The following DPP6 variants were observed in gnomAD, a reference collection of about 807,000 sequenced individuals.
DPP6 encodes the protein A-type potassium channel modulatory protein DPP6.
A neutral mutation model predicts 122.6 loss-of-function variants in DPP6; 69 were observed. That is an observed-to-expected ratio of 0.56 (90% confidence interval 0.46 to 0.69). DPP6 has a LOEUF of 0.69. Among genes scored for constraint, DPP6 ranks in the 30% least tolerant of loss-of-function variants. The probability of loss-of-function intolerance (pLI) is 0.00; values close to 1 mark genes in which losing one functional copy is unlikely to be tolerated. For synonymous variants in DPP6, 418 were observed against 433.1 expected, an observed-to-expected ratio of 0.97 and a Z score of 0.43; for missense variants, 928 against 1,116.9, an observed-to-expected ratio of 0.83 and a Z score of 2.41.
intron 1 of DPP6, among the ~76,000 whole-genome samples, chr7:154,313,710 T>TAC (rs1554515575): frequency 8.6e-4 from 14 of 16,200 alleles, no homozygotes; most frequent in African/African-American, 3.2e-3. Context: ...TATATATATA[T>TAC]ATATACACAC....
chr7:153,825,566 C>G, the DPP6 span, among the ~76,000 whole-genome samples: 10,059 of 59,222 alleles, frequency 0.17, 358 homozygotes, highest in Non-Finnish European at 0.2. Context: ...GTTTTGTTTT[C>G]TTTTCTTTAT....
At chr7:154,450,894 A>G (rs940033187) in intron 2 of DPP6, among the ~76,000 whole-genome samples, 3 of 152,182 alleles carry the variant, frequency 2.0e-5, no homozygotes, top group African/African-American at 7.2e-5. Context: ...TTCTTTGAGC[A>G]GAATTGTGCT....
intron 1 of DPP6, among the ~76,000 whole-genome samples, chr7:153,895,795 G>A (rs1799390625): frequency 6.6e-6 from 1 of 151,762 alleles, no homozygotes; most frequent in African/African-American, 2.4e-5. Flanking sequence ...TAAAATACTG[G>A]CACCATTGTC....
chr7:154,831,572 G>T (rs1032136417), intron 16 of DPP6, among the ~76,000 whole-genome samples: 2 of 152,204 alleles, frequency 1.3e-5, no homozygotes, highest in East Asian at 3.9e-4. Flanking sequence ...TTCAGGTGAC[G>T]TGACAGTTTA....
intron 8 of DPP6, among the ~76,000 whole-genome samples, chr7:154,728,650 C>T (rs1252658461): frequency 6.6e-6 from 1 of 152,158 alleles, no homozygotes; most frequent in African/African-American, 2.4e-5. Flanking sequence ...AACAAGATTC[C>T]ACAGACTAGG....
chr7:153,984,100 A>G (rs1270424057), intron 1 of DPP6, among the ~76,000 whole-genome samples: 2 of 143,384 alleles, frequency 1.4e-5, no homozygotes, highest in Non-Finnish European at 3.0e-5. Flanking sequence ...ACACACACAC[A>G]CACGTGTCAC....
At chr7:154,447,695 A>C (rs1475307313) in intron 2 of DPP6, among the ~76,000 whole-genome samples, 2 of 152,224 alleles carry the variant, frequency 1.3e-5, no homozygotes, top group Admixed American at 1.3e-4. Flanking sequence ...AGCAAACTGA[A>C]TCTAACTACA....
At chr7:154,448,363 A>G (rs1329351193) in intron 2 of DPP6, among the ~76,000 whole-genome samples, 1 of 152,196 alleles carries the variant, frequency 6.6e-6, no homozygotes, top group Non-Finnish European at 1.5e-5. Flanking sequence ...TTAAGAATAA[A>G]TTTAACAAAA....
intron 16 of DPP6, among the ~76,000 whole-genome samples, chr7:154,835,685 C>G (rs141820118): frequency 6.6e-6 from 1 of 152,198 alleles, no homozygotes; most frequent in Non-Finnish European, 1.5e-5. Flanking sequence ...TCCACTTTAA[C>G]AAGCCATCCG....
chr7:154,547,272 G>C (rs1829271983), intron 4 of DPP6, among the ~76,000 whole-genome samples: 2 of 152,242 alleles, frequency 1.3e-5, no homozygotes, highest in African/African-American at 2.4e-5. Flanking sequence ...AAAACCATGA[G>C]GGGAAACAGC....
intron 10 of DPP6, among the ~76,000 whole-genome samples, chr7:154,779,964 T>C (rs371485812): frequency 1.3e-5 from 2 of 152,240 alleles, no homozygotes; most frequent in South Asian, 2.1e-4. Context: ...ACAAATGTGC[T>C]CTGTTCCCCT....
chr7:154,420,858 CA>C (rs1817413520), intron 1 of DPP6, among the ~76,000 whole-genome samples: 1 of 152,036 alleles, frequency 6.6e-6, no homozygotes, highest in Non-Finnish European at 1.5e-5. Context: ...AATCATTATG[CA>C]AAATGAGTAA....
intron 1 of DPP6, among the ~76,000 whole-genome samples, chr7:154,149,122 G>A (rs1043440863): frequency 4.6e-5 from 7 of 152,160 alleles, no homozygotes; most frequent in South Asian, 2.1e-4. Context: ...CCTGCAGTCC[G>A]TGAACCCCCA....
chr7:154,700,905 A>T (rs73495841), intron 7 of DPP6, among the ~76,000 whole-genome samples: 2,461 of 152,274 alleles, frequency 0.016, 65 homozygotes, highest in African/African-American at 0.055. Context: ...GGTAAATGAG[A>T]TGCCCAGAGA....
At chr7:154,316,454 A>G (rs1002124846) in intron 1 of DPP6, among the ~76,000 whole-genome samples, 9 of 152,246 alleles carry the variant, frequency 5.9e-5, no homozygotes, top group Admixed American at 1.3e-4. Context: ...TGTTGTTGAA[A>G]CAGAAGCTTC....
chr7:154,668,218 T>TATATATATATATATATAA (rs1838313066), intron 6 of DPP6, among the ~76,000 whole-genome samples: 1 of 108,804 alleles, frequency 9.2e-6, no homozygotes. Context: ...TATATATATA[T>TATATATATATATATATAA]AATATACACA....
At chr7:154,254,178 T>C (rs557856803) in intron 1 of DPP6, among the ~76,000 whole-genome samples, 10 of 152,316 alleles carry the variant, frequency 6.6e-5, no homozygotes, top group Admixed American at 5.2e-4. Flanking sequence ...TCTATATAGA[T>C]GAAGAAATGG....
At chr7:154,598,045 G>A (rs570927476) in intron 5 of DPP6, among the ~76,000 whole-genome samples, 13 of 152,134 alleles carry the variant, frequency 8.5e-5, no homozygotes, top group African/African-American at 2.9e-4. Context: ...TGAGGATAAC[G>A]ACTCCAACAT....
Position 154,404,830 on chromosome 7 carries a change from C to T in DPP6, c.244-41384C>T, listed in dbSNP as rs117018125. On this transcript the variant is annotated intron_variant, in intron 1 of 25. Coordinates refer to ENST00000377770, the MANE Select transcript of DPP6 (RefSeq NM_130797.4). ...GATATGCTCTGATACAGAAATTCCA[C>T]GTCTAGAAATTTATTCTAAGTAACA... is the stretch of plus-strand genomic sequence containing the variant. 2.7e-4 allele frequency among the ~76,000 whole-genome samples: 41 copies of T among 152,142 alleles called. No individual in the cohort carries two copies. In the East Asian group the frequency reaches 5.6e-3, roughly 21 times the overall value.
Sources: allele counts gnomAD v4.1 joint callset (sites outside exome capture counted in the v4.1 genomes callset), GRCh38; gene constraint gnomAD v4.1.1; transcripts MANE v1.5; gene names NCBI Gene and HGNC (gene_info 2026-07-23, HGNC 2026-07-21).